The following SYNE1 variants were observed in gnomAD, a reference collection of about 807,000 sequenced individuals.
The protein encoded by SYNE1 is spectrin repeat containing nuclear envelope protein 1, also known as nesprin-1.
Under a neutral mutation model 1,111.0 loss-of-function variants are expected in SYNE1, and 616 were observed. The ratio of observed to expected loss-of-function variants is 0.55; its 90% CI spans 0.52 to 0.59. The LOEUF (loss-of-function observed/expected upper bound fraction) is 0.59. Ranked by LOEUF, SYNE1 falls within the 20% of genes least tolerant of loss-of-function variation. The pLI is 0.00. For synonymous variants in SYNE1, 3,855 were observed against 3,825.8 expected, an observed-to-expected ratio of 1.01 and a Z score of -0.28; for missense variants, 10,006 against 10,417.0, an observed-to-expected ratio of 0.96 and a Z score of 1.72.
Position 152,505,361 on chromosome 6 carries a change from A to C in SYNE1, c.618T>G (p.Ser206Arg). ...TGIEVKDFGKSWRSGVAFHSV... is the reference protein window; with the variant it reads ...TGIEVKDFGKRWRSGVAFHSV... ...AATGAAAGGCAACCCCGCTTCTCCA[A>C]CTCTTCCCAAAATCTTTTACTTCTA... Residue 206 changes from serine to arginine, a missense_variant, in exon 9 of 146, where the codon AGT becomes AGG. By Grantham distance (110) the Ser-to-Arg change is moderately radical. Coordinates refer to ENST00000367255, the MANE Select transcript of SYNE1 (RefSeq NM_182961.4). 1 of 1,613,608 alleles carries C rather than the reference A, an allele frequency of 6.2e-7. No individual in the cohort carries two copies. Among genetic ancestry groups the C allele is most frequent in the Non-Finnish European group, 8.5e-7 (1 of 1,179,866 alleles).
chr6:152,242,008 G>A (rs569814064), intron 107 of SYNE1, among the ~76,000 whole-genome samples: 11 of 152,098 alleles, frequency 7.2e-5, no homozygotes, highest in South Asian at 4.2e-4. Flanking sequence ...CAGGTAAGTT[G>A]GTTTTCTTTT....
intron 91 of SYNE1, among the ~76,000 whole-genome samples, chr6:152,306,211 C>T (rs1281877312): frequency 6.6e-6 from 1 of 152,068 alleles, no homozygotes; most frequent in South Asian, 2.1e-4. Flanking sequence ...CCCGGCCAGT[C>T]GTGGTGGCTC....
chr6:152,260,201 C>T (rs1411236075), intron 101 of SYNE1, among the ~76,000 whole-genome samples: 2 of 152,142 alleles, frequency 1.3e-5, no homozygotes, highest in East Asian at 3.9e-4. Flanking sequence ...TCAGAAAAGA[C>T]TGCAGTCCCT....
At chr6:152,511,224 A>G (rs913582692) in intron 6 of SYNE1, 121 bp from the exon 7 acceptor site, 2 of 883,108 alleles carry the variant, frequency 2.3e-6, no homozygotes, top group East Asian at 2.6e-5. Context: ...GTAATAGTAC[A>G]TGGGAGTAAG....
intron 19 of SYNE1, 101 bp from the exon 20 acceptor site, chr6:152,462,991 G>A: frequency 7.2e-7 from 1 of 1,389,492 alleles, no homozygotes; most frequent in Non-Finnish European, 1.0e-6. Flanking sequence ...TTGTTATCCG[G>A]TAAGAAAGAC....
At chr6:152,292,853 T>C (rs1358706661) in intron 95 of SYNE1, among the ~76,000 whole-genome samples, 1 of 152,240 alleles carries the variant, frequency 6.6e-6, no homozygotes, top group Non-Finnish European at 1.5e-5. Context: ...GTGATGAATA[T>C]GTAGGAGAAT....
At chr6:152,374,034 A>T (rs1361330138) in intron 58 of SYNE1, among the ~76,000 whole-genome samples, 1 of 152,228 alleles carries the variant, frequency 6.6e-6, no homozygotes, top group Non-Finnish European at 1.5e-5. Flanking sequence ...TTCCGTGGGG[A>T]ATCTTATTCA....
At chr6:152,281,284 C>G (rs2025496) in intron 97 of SYNE1, among the ~76,000 whole-genome samples, 1 of 152,090 alleles carries the variant, frequency 6.6e-6, no homozygotes, top group Non-Finnish European at 1.5e-5. Context: ...GCAATTACTC[C>G]TCACAGTAAT....
chr6:152,241,561 T>C (rs1276466142), intron 107 of SYNE1, among the ~76,000 whole-genome samples: 1 of 140,166 alleles, frequency 7.1e-6, no homozygotes, highest in East Asian at 2.0e-4. Flanking sequence ...TGGAGTAGTG[T>C]CCAACCTGAG....
At position 152,590,099 on chromosome 6, in the gene SYNE1, A is replaced by AATT. The variant is rs747538908; in HGVS notation, c.67+38163_67+38165dup. On this transcript the variant is annotated intron_variant, in intron 3 of 145. Coordinates refer to ENST00000367255, the MANE Select transcript of SYNE1 (RefSeq NM_182961.4). Reference sequence around the variant, plus strand: ...CAGGTGCATGCCACCACACCTGACTAATTATTATTATTATTATTATTATTA... The same window carrying AATT: ...CAGGTGCATGCCACCACACCTGACTAATTATTATTATTATTATTATTATTATTA... Among the ~76,000 whole-genome samples, 1,385 of 149,468 alleles carry AATT rather than the reference A, an allele frequency of 9.3e-3. 16 individuals carry two copies. Among genetic ancestry groups the AATT allele is most frequent in the East Asian group, 0.057 (291 of 5,076 alleles).
At chr6:152,123,557 A>G (rs1330709158) in intron 145 of SYNE1, among the ~76,000 whole-genome samples, 1 of 152,200 alleles carries the variant, frequency 6.6e-6, no homozygotes, top group Non-Finnish European at 1.5e-5. Context: ...CTGGAAGTAG[A>G]TTCTGAGTTG....
intron 39 of SYNE1, among the ~76,000 whole-genome samples, chr6:152,424,246 G>C (rs954349777): frequency 6.6e-6 from 1 of 152,114 alleles, no homozygotes; most frequent in Non-Finnish European, 1.5e-5. Flanking sequence ...TATTAAAATG[G>C]TTTGTATCCA....
intron 8 of SYNE1, among the ~76,000 whole-genome samples, chr6:152,507,699 ATATT>A (rs1220538424): frequency 1.3e-5 from 2 of 152,232 alleles, no homozygotes; most frequent in African/African-American, 2.4e-5. Flanking sequence ...ATATATGCAT[ATATT>A]TATTTATTTT....
At chr6:152,618,731 G>A (rs1409901826) in intron 3 of SYNE1, among the ~76,000 whole-genome samples, 2 of 152,096 alleles carry the variant, frequency 1.3e-5, no homozygotes, top group African/African-American at 4.8e-5. Flanking sequence ...CAAATTTCAC[G>A]ATATCAAAAT....
chr6:152,553,338 A>G (rs1389147620), intron 3 of SYNE1, among the ~76,000 whole-genome samples: 1 of 152,192 alleles, frequency 6.6e-6, no homozygotes, highest in East Asian at 1.9e-4. Context: ...GAGATAGGCA[A>G]TGTAGACGCA....
chr6:152,502,485 C>G, intron 10 of SYNE1, 148 bp downstream of exon 10: 1 of 715,450 alleles, frequency 1.4e-6, no homozygotes. Flanking sequence ...TTCCTCTAAT[C>G]ATCACCCCAT....
intron 46 of SYNE1, among the ~76,000 whole-genome samples, chr6:152,403,797 T>A (rs991493368): frequency 2.0e-5 from 3 of 152,022 alleles, no homozygotes; most frequent in African/African-American, 7.2e-5. Flanking sequence ...CATGAAATGG[T>A]CCATGAGGCA....
At chr6:152,213,013 A>T (rs1394919062) in intron 123 of SYNE1, among the ~76,000 whole-genome samples, 2 of 152,138 alleles carry the variant, frequency 1.3e-5, no homozygotes, top group Non-Finnish European at 2.9e-5. Context: ...ACACAAACTG[A>T]CTTAGTTATA....
intron 117 of SYNE1, 124 bp downstream of exon 117, chr6:152,224,370 T>G: frequency 1.0e-6 from 1 of 962,074 alleles, no homozygotes; most frequent in Non-Finnish European, 1.5e-6. Context: ...ATTTTAAAGA[T>G]CTTAAAAAAT....
Sources: allele counts gnomAD v4.1 joint callset (sites outside exome capture counted in the v4.1 genomes callset), GRCh38; gene constraint gnomAD v4.1.1; transcripts MANE v1.5; gene names NCBI Gene and HGNC (gene_info 2026-07-23, HGNC 2026-07-21).